The following SMARCB1 variants were observed in gnomAD, a reference collection of about 807,000 sequenced individuals.
SMARCB1 encodes SWI/SNF related BAF chromatin remodeling complex subunit B1.
In SMARCB1, 5 loss-of-function variants were observed where a neutral mutation model predicts 49.0. That is an observed-to-expected ratio of 0.10 (90% CI 0.05 to 0.21). The LOEUF (loss-of-function observed/expected upper bound fraction) is 0.21. Among genes scored for constraint, SMARCB1 ranks in the 10% least tolerant of loss-of-function variants. The pLI is 1.00. For synonymous variants in SMARCB1, 201 were observed against 200.1 expected, an observed-to-expected ratio of 1.00 and a Z score of -0.04; for missense variants, 226 against 509.2, an observed-to-expected ratio of 0.44 and a Z score of 5.35.
At chr22:23,792,085 G>C in intron 2 of SMARCB1, 191 bp downstream of exon 2, 1 of 638,398 alleles carries the variant, frequency 1.6e-6, no homozygotes. Context: ...GTGGTCCACT[G>C]TCAGTTATTT....
intron 1 of SMARCB1, among the ~76,000 whole-genome samples, chr22:23,789,083 C>A (rs2145955724): frequency 6.6e-6 from 1 of 152,314 alleles, no homozygotes; most frequent in East Asian, 1.9e-4. Context: ...CTTGTGAGCT[C>A]AAGTGATCTG....
At chr22:23,833,048 G>T (rs1317705981) in intron 7 of SMARCB1, among the ~76,000 whole-genome samples, 1 of 152,218 alleles carries the variant, frequency 6.6e-6, no homozygotes, top group Non-Finnish European at 1.5e-5. Context: ...AGGGGCAAGT[G>T]TGTGGAACAT....
intron 5 of SMARCB1, among the ~76,000 whole-genome samples, chr22:23,812,592 T>G (rs1929945870): frequency 6.6e-6 from 1 of 152,118 alleles, no homozygotes; most frequent in Non-Finnish European, 1.5e-5. Context: ...TATTGCGAAA[T>G]AGAATTCAGC....
chr22:23,805,427 A>G (rs1601407544), intron 5 of SMARCB1, among the ~76,000 whole-genome samples: 1 of 152,172 alleles, frequency 6.6e-6, no homozygotes, highest in South Asian at 2.1e-4. Flanking sequence ...GCTGGCCCAC[A>G]TCATAGTTAT....
intron 3 of SMARCB1, among the ~76,000 whole-genome samples, chr22:23,795,394 G>A (rs1256481979): frequency 6.6e-6 from 1 of 152,084 alleles, no homozygotes; most frequent in African/African-American, 2.4e-5. Flanking sequence ...GGTGGCTCAC[G>A]CCTGTAATCC....
intron 4 of SMARCB1, chr22:23,801,821 G>A: frequency 5.0e-6 from 1 of 199,444 alleles, no homozygotes; most frequent in East Asian, 1.2e-4. Flanking sequence ...AGGTTTTGGG[G>A]ATTAAGTTGT....
rs2145983087 is a variant in SMARCB1 at position 23,803,412 on chromosome 22, G to C, written c.618G>C (p.Trp206Cys). 6.2e-7 allele frequency: 1 copy of C among 1,614,130 alleles called. No individual in the cohort carries two copies. Among genetic ancestry groups the C allele is most frequent in the Non-Finnish European group, 8.5e-7 (1 of 1,180,034 alleles). ...DGQKLRDAFTWNMNEKLMTPE... is the reference protein window; with the variant it reads ...DGQKLRDAFTCNMNEKLMTPE... ...AGAAGCTGCGAGACGCCTTCACCTG[G>C]AACATGAATGGTACAAGGCAGTCGG... Residue 206 changes from tryptophan to cysteine, a missense_variant, in exon 5 of 9, where the codon TGG (tryptophan) becomes TGC (cysteine). Coordinates refer to ENST00000644036, the MANE Select transcript of SMARCB1 (RefSeq NM_003073.5).
intron 3 of SMARCB1, among the ~76,000 whole-genome samples, chr22:23,795,354 CTT>C (rs1477014517): frequency 1.3e-5 from 2 of 151,806 alleles, no homozygotes; most frequent in African/African-American, 2.4e-5. Flanking sequence ...CTCTTTGTCT[CTT>C]AAAAAAAATA....
chr22:23,821,293 C>T (rs2030073474), intron 6 of SMARCB1, among the ~76,000 whole-genome samples: 1 of 152,250 alleles, frequency 6.6e-6, no homozygotes, highest in Non-Finnish European at 1.5e-5. Flanking sequence ...CTGCATTTTT[C>T]AGGCCAGAGG....
At position 23,837,942 on chromosome 22, in the gene SMARCB1, C is replaced by T; in HGVS notation, c.*3762C>T. ...CCCAAGACCCTGGAATTCTTCCCCT[C>T]ATCTCCCCTATGTGCTATTCCCTCA... On this transcript the variant is annotated 3_prime_UTR_variant, in exon 9 of 9. Coordinates refer to ENST00000644036, the MANE Select transcript of SMARCB1 (RefSeq NM_003073.5). The T allele has an allele frequency of 1.5e-6, 2 of 1,352,130 alleles. No individual in the cohort carries two copies. The highest frequency in any genetic ancestry group is 2.0e-6 in the Non-Finnish European group (2 of 998,548). 83.8% of individuals were successfully genotyped at this position (1,352,130 alleles called of 1,614,324 possible).
At chr22:23,803,223 G>C in intron 4 of SMARCB1, 72 bp from the exon 5 acceptor site, 1 of 1,603,096 alleles carries the variant, frequency 6.2e-7, no homozygotes, top group African/African-American at 1.3e-5. Flanking sequence ...GCTGTGCAGA[G>C]AGAGAGGCTG....
At chr22:23,811,721 A>G (rs1929878969) in intron 5 of SMARCB1, among the ~76,000 whole-genome samples, 1 of 152,246 alleles carries the variant, frequency 6.6e-6, no homozygotes, top group Non-Finnish European at 1.5e-5. Context: ...CTGTAGCACC[A>G]GTGCGTACAT....
intron 5 of SMARCB1, among the ~76,000 whole-genome samples, chr22:23,807,984 C>T (rs1395247872): frequency 8.6e-6 from 1 of 116,794 alleles, no homozygotes; most frequent in Non-Finnish European, 1.7e-5. Flanking sequence ...TTTTTTGAGA[C>T]GGAGTCTGTC....
At position 23,835,199 on chromosome 22, in the gene SMARCB1, A is replaced by C. The variant is rs1468580092; in HGVS notation, c.*1019A>C. The C allele has an allele frequency of 7.8e-7, 1 of 1,274,524 alleles. No individual in the cohort carries two copies. 79.0% of individuals were successfully genotyped at this position (1,274,524 alleles called of 1,614,324 possible). On this transcript the variant is annotated 3_prime_UTR_variant, in exon 9 of 9. Transcript: ENST00000644036. ...AGGGTCCCTTCCCAGCCCTGCCTCC[A>C]AGGAGTTCATGTCCCCTCTGTTCTC...
rs1928536450 is a variant in SMARCB1 at position 23,793,539 on chromosome 22, G to C, written c.233-20G>C. 6.2e-7 allele frequency: 1 copy of C among 1,613,772 alleles called. No individual in the cohort carries two copies. The highest frequency in any genetic ancestry group is 8.5e-7 in the Non-Finnish European group (1 of 1,179,776). On this transcript the variant is annotated intron_variant, in intron 2 of 8. Transcript: ENST00000644036. ...CCACCGCCACCAGCAGAGTGACCCA[G>C]TGATGTTTGTCTGTTACAGATCACG... is the stretch of plus-strand genomic sequence containing the variant.
chr22:23,793,781 CT>C (rs11413092), intron 3 of SMARCB1, 93 bp downstream of exon 3: 17,088 of 760,962 alleles, frequency 0.022, 1 homozygote, highest in East Asian at 0.039. Context: ...AATTGAAACA[CT>C]TTTTTTTTTT....
At chr22:23,833,515 G>A in intron 7 of SMARCB1, 57 bp from the exon 8 acceptor site, 1 of 1,612,372 alleles carries the variant, frequency 6.2e-7, no homozygotes, top group South Asian at 1.1e-5. Flanking sequence ...AGCTTTCTGA[G>A]GATTCTCCAT....
chr22:23,824,739 A>G (rs2030283718), intron 6 of SMARCB1: 2 of 195,380 alleles, frequency 1.0e-5, no homozygotes, highest in African/African-American at 4.6e-5. Flanking sequence ...CACCGTGTTG[A>G]CCCAGAGTGG....
chr22:23,787,362 GGCGGGC>G, intron 1 of SMARCB1, 100 bp downstream of exon 1: 1 of 543,290 alleles, frequency 1.8e-6, no homozygotes, highest in Non-Finnish European at 2.9e-6. Context: ...CATCGGGGCG[GGCGGGC>G]GCGCGCGCGC....
Sources: gnomAD v4.1 joint callset for allele counts (sites outside exome capture counted in the v4.1 genomes callset) on GRCh38, gnomAD v4.1.1 for gene constraint, MANE v1.5 for transcripts, NCBI Gene and HGNC (gene_info 2026-07-23, HGNC 2026-07-21) for gene names.